CELF2: variants seen among roughly 807,000 people sequenced by gnomAD.
CELF2 encodes CUGBP Elav-like family member 2.
A neutral mutation model predicts 62.6 loss-of-function variants in CELF2; 8 were observed. The observed-to-expected ratio is 0.13, with a 90% confidence interval of 0.07 to 0.23. The LOEUF is 0.23. CELF2 is among the 10% of genes least tolerant of loss of function. The pLI, the probability that CELF2 is intolerant of heterozygous loss-of-function variation, is 1.00. For missense variants in CELF2, 333 were observed against 671.0 expected, an observed-to-expected ratio of 0.50 and a Z score of 5.56; for synonymous variants, 258 against 250.0, an observed-to-expected ratio of 1.03 and a Z score of -0.30.
the CELF2 span, among the ~76,000 whole-genome samples, chr10:10,516,663 G>A: frequency 6.6e-6 from 1 of 151,706 alleles, no homozygotes; most frequent in Non-Finnish European, 1.5e-5. Context: ...AATTACCCTC[G>A]GGGGTCCTGT....
the CELF2 span, among the ~76,000 whole-genome samples, chr10:10,521,570 C>G: frequency 6.6e-6 from 1 of 152,114 alleles, no homozygotes; most frequent in Non-Finnish European, 1.5e-5. Context: ...ACTGCTAGAT[C>G]CTGTTATTAC....
chr10:10,966,350 C>T (rs986634725), intron 2 of CELF2, among the ~76,000 whole-genome samples: 16 of 152,108 alleles, frequency 1.1e-4, no homozygotes, highest in African/African-American at 3.9e-4. Flanking sequence ...CTGAAGAGCT[C>T]GGGGATAGCT....
intron 8 of CELF2, among the ~76,000 whole-genome samples, chr10:11,275,864 C>G (rs980230479): frequency 2.6e-5 from 4 of 152,112 alleles, no homozygotes; most frequent in Non-Finnish European, 5.9e-5. Context: ...AGGCAGCGAG[C>G]GCAATAAATC....
chr10:11,274,572 G>C (rs2765984), intron 7 of CELF2, among the ~76,000 whole-genome samples: 76,489 of 152,018 alleles, frequency 0.5, 21,044 homozygotes, highest in Non-Finnish European at 0.64. Flanking sequence ...CAGCTGTACG[G>C]CTGTGAATAG....
At chr10:10,465,488 CAT>C in the CELF2 span, among the ~76,000 whole-genome samples, 1 of 152,098 alleles carries the variant, frequency 6.6e-6, no homozygotes, top group Non-Finnish European at 1.5e-5. Context: ...TATAGCCACA[CAT>C]GTTTTCTATT....
At chr10:10,742,538 A>G in the CELF2 span, among the ~76,000 whole-genome samples, 1 of 150,108 alleles carries the variant, frequency 6.7e-6, no homozygotes, top group Non-Finnish European at 1.5e-5. Context: ...TTGAGGCAGG[A>G]TGATCCAAGA....
chr10:10,998,581 G>A (rs1385723645), intron 2 of CELF2, among the ~76,000 whole-genome samples: 2 of 152,188 alleles, frequency 1.3e-5, no homozygotes, highest in African/African-American at 2.4e-5. Flanking sequence ...ATAGCAGGCA[G>A]AGGATAGAAC....
At chr10:11,093,804 TAC>T (rs2049011590) in intron 1 of CELF2, among the ~76,000 whole-genome samples, 1 of 152,234 alleles carries the variant, frequency 6.6e-6, no homozygotes, top group East Asian at 1.9e-4. Flanking sequence ...ATCTCTGTTT[TAC>T]AGTTAGAACT....
the CELF2 span, among the ~76,000 whole-genome samples, chr10:10,544,887 T>C: frequency 6.6e-6 from 1 of 152,220 alleles, no homozygotes; most frequent in East Asian, 1.9e-4. Context: ...TGATATTCTA[T>C]AGGCAAAATA....
At chr10:10,796,940 T>C (rs2054172208), upstream of CELF2, 3 of 970,922 alleles carry the variant, frequency 3.1e-6, no homozygotes, top group South Asian at 4.8e-5. Flanking sequence ...CTAGAGACAG[T>C]TGCACTTCTG....
At chr10:11,153,791 G>A (rs750293048) in intron 1 of CELF2, among the ~76,000 whole-genome samples, 5 of 152,192 alleles carry the variant, frequency 3.3e-5, no homozygotes, top group South Asian at 4.1e-4. Flanking sequence ...GCATCTTGTG[G>A]TACCTGAATG....
Position 11,165,720 on chromosome 10 carries a change from TG to T in CELF2, c.271+41del, listed in dbSNP as rs2066881778. 4.5e-6 allele frequency: 7 copies of T among 1,568,758 alleles called. No homozygotes were observed. Among genetic ancestry groups the T allele is most frequent in the Non-Finnish European group, 6.0e-6 (7 of 1,157,290 alleles). On this transcript the variant is annotated intron_variant, in intron 2 of 12. Coordinates refer to ENST00000633077, the MANE Select transcript of CELF2 (RefSeq NM_001326342.2). The surrounding 1 kb of genome is among the most constrained non-coding windows in gnomAD (Gnocchi z 7.4). ...GGGCGGGGGTCGCCAGGCGTCCAGG[TG>T]GGCGTCGCGGGGCACTGGGGCTGTC...
intron 2 of CELF2, chr10:10,927,259 T>C (rs1023380368): frequency 2.7e-5 from 4 of 148,418 alleles, no homozygotes; most frequent in Non-Finnish European, 5.9e-5. Flanking sequence ...AACTTAAACT[T>C]AATGTGGCCA....
chr10:11,208,160 G>T (rs776940109), intron 2 of CELF2, among the ~76,000 whole-genome samples: 1 of 152,074 alleles, frequency 6.6e-6, no homozygotes, highest in Non-Finnish European at 1.5e-5. Flanking sequence ...CCTGTAGACT[G>T]GTGTTTTCCC....
intron 2 of CELF2, among the ~76,000 whole-genome samples, chr10:11,197,070 G>GAAGGAAAGAGAGGAAAGAAAGGAAA (rs1329770894): frequency 1.3e-5 from 1 of 78,100 alleles, no homozygotes; most frequent in Non-Finnish European, 2.4e-5. Flanking sequence ...AAGAAAGAAA[G>GAAGGAAAGAGAGGAAAGAAAGGAAA]GAAAGAAAGA....
rs1565981024 is a variant in CELF2, at chr10:11,321,333, T to C, written c.1241T>C (p.Leu414Pro). ...QQYAAAALPT[L>P]YSQSLLQQQS... is the part of the protein sequence containing the mutation. ...TACGCAGCCGCCGCGCTGCCCACTC[T>C]GTACAGCCAGAGCCTGCTGCAGCAG... Residue 414 changes from leucine (L) to proline (P), a missense_variant, in exon 11 of 13, where the codon CTG (leucine) becomes CCG (proline). Leu to Pro is a moderately conservative substitution (Grantham distance 98). This residue lies in a region of CELF2 where 253 missense variants were observed against 503.0 expected (regional missense o/e 0.50). Transcript: ENST00000633077. The surrounding 1 kb of genome is among the most constrained non-coding windows in gnomAD (Gnocchi z 6.2). 6.2e-7 allele frequency: 1 copy of C among 1,612,058 alleles called. No individual in the cohort carries two copies. Among genetic ancestry groups the C allele is most frequent in the Non-Finnish European group, 8.5e-7 (1 of 1,180,012 alleles).
intron 1 of CELF2, among the ~76,000 whole-genome samples, chr10:11,155,164 TACA>T (rs2064076735): frequency 1.3e-5 from 2 of 152,236 alleles, no homozygotes; most frequent in Admixed American, 6.5e-5. Context: ...GAATGCTTCT[TACA>T]ACAAGTTATA....
intron 1 of CELF2, among the ~76,000 whole-genome samples, chr10:11,086,767 A>G (rs1412738031): frequency 6.6e-6 from 1 of 152,146 alleles, no homozygotes; most frequent in African/African-American, 2.4e-5. Flanking sequence ...ACGCACATAA[A>G]GATAATGGAT....
At position 11,334,987 on chromosome 10, in the gene CELF2, C is replaced by T. The variant is rs1016308116; in HGVS notation, c.*5934C>T. 6 of 152,154 alleles carry T rather than the reference C, an allele frequency of 3.9e-5. No individual in the cohort carries two copies. Among genetic ancestry groups the T allele is most frequent in the Admixed American group, 2.0e-4 (3 of 15,276 alleles). The allele number at this position is 152,154 out of a possible 1,614,324, so 9.4% of individuals were successfully genotyped here. A position where few individuals can be genotyped will look rare whatever the true frequency, so the allele number is the denominator to read the frequency against. On this transcript the variant is annotated 3_prime_UTR_variant, in exon 13 of 13. Coordinates refer to ENST00000633077, the MANE Select transcript of CELF2 (RefSeq NM_001326342.2). ...GAGCAGCTTTAATTATTAACACTAA[C>T]GGAAGAGAAAAGAAGTATTTCCAAG...
Sources: gnomAD v4.1 joint callset for allele counts (sites outside exome capture counted in the v4.1 genomes callset) on GRCh38, gnomAD v4.1.1 for gene constraint, gnomAD v4.1.1 regional missense constraint, Gnocchi (gnomAD v3.1) non-coding constraint, MANE v1.5 for transcripts, NCBI Gene and HGNC (gene_info 2026-07-23, HGNC 2026-07-21) for gene names.